STAT4: variants seen among roughly 807,000 people sequenced by gnomAD.
STAT4 encodes signal transducer and activator of transcription 4.
STAT4 carries 42 observed loss-of-function variants against 110.5 expected under a neutral mutation model. The ratio of observed to expected loss-of-function variants is 0.38; its 90% CI spans 0.30 to 0.49. The LOEUF (loss-of-function observed/expected upper bound fraction) is 0.49. STAT4 is among the 20% of genes least tolerant of loss of function. The probability of loss-of-function intolerance (pLI) is 0.95; values close to 1 mark genes in which losing one functional copy is unlikely to be tolerated. For synonymous variants in STAT4, 284 were observed against 302.2 expected, an observed-to-expected ratio of 0.94 and a Z score of 0.63; for missense variants, 632 against 887.9, an observed-to-expected ratio of 0.71 and a Z score of 3.66.
chr2:191,053,830 T>A lies in STAT4; in HGVS notation c.1251+660A>T, dbSNP rs866766401. 6.6e-6 allele frequency among the ~76,000 whole-genome samples: 1 copy of A among 152,190 alleles called. No individual in the cohort carries two copies. Among genetic ancestry groups the A allele is most frequent in the Non-Finnish European group, 1.5e-5 (1 of 68,028 alleles). ...TGTTCTCCAAGAGTATTTAAAATTA[T>A]GGAAAACTGTTCTCCGGGCTGGGCA... is the stretch of plus-strand genomic sequence containing the variant. On this transcript the variant is annotated intron_variant, in intron 14 of 23. Transcript: ENST00000392320. This position sits in a 1 kb window ranked among gnomAD's most constrained non-coding sequence, Gnocchi z 4.5.
Position 191,076,280 on chromosome 2 carries a change from T to A in STAT4, c.319A>T (p.Asn107Tyr), listed in dbSNP as rs1337434431. 6.2e-7 allele frequency: 1 copy of A among 1,613,768 alleles called. No individual in the cohort carries two copies. Among genetic ancestry groups the A allele is most frequent in the Admixed American group, 1.7e-5 (1 of 59,948 alleles). Reference sequence around the variant, plus strand: ...ATTCTCCTCTCTTCCCTTAAACAGTTTGAAATAACCACAGCTACATGCATT... The same window carrying A: ...ATTCTCCTCTCTTCCCTTAAACAGTATGAAATAACCACAGCTACATGCATT... ...NPMHVAVVIS[N>Y]CLREERRILA... Residue 107 changes from asparagine to tyrosine, a missense_variant, in exon 4 of 24, where the codon AAC (asparagine) becomes TAC (tyrosine). Asn to Tyr is a moderately radical substitution (Grantham distance 143). This residue lies in a region of STAT4 where 488 missense variants were observed against 632.8 expected (regional missense o/e 0.77). Coordinates refer to ENST00000392320, the MANE Select transcript of STAT4 (RefSeq NM_003151.4).
chr2:191,134,600 A>G (rs2125427480), intron 3 of STAT4, among the ~76,000 whole-genome samples: 1 of 152,308 alleles, frequency 6.6e-6, no homozygotes, highest in Non-Finnish European at 1.5e-5. Flanking sequence ...TTTATAGCCA[A>G]AGAAATTACA....
At position 191,086,263 on chromosome 2, in the gene STAT4, A is replaced by G. The variant is rs1283915064; in HGVS notation, c.274-9938T>C. On this transcript the variant is annotated intron_variant, in intron 3 of 23. Transcript: ENST00000392320. This position sits in a 1 kb window ranked among gnomAD's most constrained non-coding sequence, Gnocchi z 5.5. ...TCCTTCACAGGGTTCTTGACCTGTG[A>G]TAAGTAAAGATTGTCACTTTCTGAC... Among the ~76,000 whole-genome samples, 1 of 152,152 alleles carries G rather than the reference A, an allele frequency of 6.6e-6. No homozygotes were observed. The highest frequency in any genetic ancestry group is 1.5e-5 in the Non-Finnish European group (1 of 68,020).
At position 191,107,735 on chromosome 2, in the gene STAT4, T is replaced by C. The variant is rs1239764065; in HGVS notation, c.274-31410A>G. On this transcript the variant is annotated intron_variant, in intron 3 of 23. Coordinates refer to ENST00000392320, the MANE Select transcript of STAT4 (RefSeq NM_003151.4). The surrounding 1 kb of genome is among the most constrained non-coding windows in gnomAD (Gnocchi z 4.2). ...GTGAAAACATTCAGGACATAATTTA[T>C]TTTTTCAACCCAGATTACTACCATA... Among the ~76,000 whole-genome samples, 1 of 152,212 alleles carries C rather than the reference T, an allele frequency of 6.6e-6. No homozygotes were observed. The highest frequency in any genetic ancestry group is 2.4e-5 in the African/African-American group (1 of 41,452).
rs1044644758 is a variant in STAT4 at position 191,032,452 on chromosome 2, A to T, written c.2044+506T>A. 6.6e-6 allele frequency: 1 copy of T among 152,448 alleles called. No homozygotes were observed. The highest frequency in any genetic ancestry group is 2.4e-5 in the African/African-American group (1 of 41,434). 9.4% of individuals were successfully genotyped at this position (152,448 alleles called of 1,614,324 possible). ...GGTAGGCTGGGAGTGTGGGGGAGGG[A>T]GAGGATGAAGCAGAGATCCACAGGT... On this transcript the variant is annotated intron_variant, in intron 21 of 23. Coordinates refer to ENST00000392320, the MANE Select transcript of STAT4 (RefSeq NM_003151.4). This position sits in a 1 kb window ranked among gnomAD's most constrained non-coding sequence, Gnocchi z 4.9.
rs13011805 is a variant in STAT4, at chr2:191,091,523, C to T, written c.274-15198G>A. On this transcript the variant is annotated intron_variant, in intron 3 of 23. Transcript: ENST00000392320. This position sits in a 1 kb window ranked among gnomAD's most constrained non-coding sequence, Gnocchi z 5.4. Reference sequence around the variant, plus strand: ...TCAAAATGAGTATGTGTGTTTAATGCAATTAAAGTTAGAGTCCTAACTTTT... The same window carrying T: ...TCAAAATGAGTATGTGTGTTTAATGTAATTAAAGTTAGAGTCCTAACTTTT... 0.13 allele frequency among the ~76,000 whole-genome samples: 19,460 copies of T among 151,976 alleles called. 1,698 individuals are homozygous for T. The highest frequency in any genetic ancestry group is 0.25 in the African/African-American group (10,298 of 41,404).
chr2:191,091,487 TATTA>T lies in STAT4; in HGVS notation c.274-15166_274-15163del, dbSNP rs1697795867. ...TGTGAGAGACTTGTTATTATAAAAA[TATTA>T]ATTGTCTCAAAATGAGTATGTGTGT... On this transcript the variant is annotated intron_variant, in intron 3 of 23. Transcript: ENST00000392320. This position sits in a 1 kb window ranked among gnomAD's most constrained non-coding sequence, Gnocchi z 5.4. Among the ~76,000 whole-genome samples the T allele has an allele frequency of 6.6e-6, 1 of 152,200 alleles. No individual in the cohort carries two copies. Among genetic ancestry groups the T allele is most frequent in the South Asian group, 2.1e-4 (1 of 4,834 alleles).
chr2:191,071,768 T>C (rs1451868638), intron 5 of STAT4, among the ~76,000 whole-genome samples: 3 of 152,212 alleles, frequency 2.0e-5, no homozygotes, highest in African/African-American at 4.8e-5. Context: ...CAGGCCAGGC[T>C]TCCTGGAATC....
chr2:191,084,198 G>T (rs1197150565), intron 3 of STAT4, among the ~76,000 whole-genome samples: 1 of 151,920 alleles, frequency 6.6e-6, no homozygotes, highest in African/African-American at 2.4e-5. Context: ...GGAGGCAGAG[G>T]TTGCAGTGAG....
chr2:191,050,308 T>C lies in STAT4; in HGVS notation c.1251+4182A>G, dbSNP rs1696485746. On this transcript the variant is annotated intron_variant, in intron 14 of 23. Coordinates refer to ENST00000392320, the MANE Select transcript of STAT4 (RefSeq NM_003151.4). This position sits in a 1 kb window ranked among gnomAD's most constrained non-coding sequence, Gnocchi z 4.3. ...TGTTTATTTTACAGGAACAGATTGATGGCCTCAAAGTCTGGCCACTTTCTA... is the reference window on the plus strand; with the variant it reads ...TGTTTATTTTACAGGAACAGATTGACGGCCTCAAAGTCTGGCCACTTTCTA... Among the ~76,000 whole-genome samples, 1 of 152,228 alleles carries C rather than the reference T, an allele frequency of 6.6e-6. No homozygotes were observed.
chr2:191,065,238 C>A (rs1448373838), intron 7 of STAT4, among the ~76,000 whole-genome samples: 1 of 152,104 alleles, frequency 6.6e-6, no homozygotes, highest in Non-Finnish European at 1.5e-5. Flanking sequence ...AATATTGAAT[C>A]TTGTAGTAAC....
At chr2:191,041,177 TCA>T (rs774971664) in intron 14 of STAT4, 29 bp from the exon 15 acceptor site, 1 of 1,312,846 alleles carries the variant, frequency 7.6e-7, no homozygotes, top group African/African-American at 1.5e-5. Flanking sequence ...AATTGTTACC[TCA>T]CAAATGCATA....
At chr2:191,114,629 C>T (rs1489235325) in intron 3 of STAT4, among the ~76,000 whole-genome samples, 1 of 152,138 alleles carries the variant, frequency 6.6e-6, no homozygotes, top group African/African-American at 2.4e-5. Flanking sequence ...GTGACAACAC[C>T]ATCATGACAC....
intron 3 of STAT4, among the ~76,000 whole-genome samples, chr2:191,092,188 G>A (rs1044121718): frequency 6.6e-6 from 1 of 152,028 alleles, no homozygotes; most frequent in South Asian, 2.1e-4. Flanking sequence ...GGCAGATCAC[G>A]AGGTTGGGAG....
intron 3 of STAT4, among the ~76,000 whole-genome samples, chr2:191,120,555 A>T (rs1054299886): frequency 6.6e-6 from 1 of 152,158 alleles, no homozygotes; most frequent in African/African-American, 2.4e-5. Flanking sequence ...GAGGTACTTT[A>T]AAAAAAGAGG....
Position 191,031,058 on chromosome 2 carries a change from G to A in STAT4, c.2134C>T (p.His712Tyr), listed in dbSNP as rs772952207. ...ATGGGAAGAAGGTCTGATGGAGAAT[G>A]TGGCTCTGTTGAATCACTTCGGCTT... ...STIRSDSTEP[H>Y]SPSDLLPMSP... The change falls in exon 23 of 24, where the codon CAT becomes TAT. Residue 712 changes from histidine (H) to tyrosine (Y), a missense_variant. Physicochemically the swap from His to Tyr is moderately conservative, Grantham distance 83. Around this residue, in one of 4 missense-constraint regions of STAT4, gnomAD observed 32 missense variants for 67.6 expected, o/e 0.47. Transcript: ENST00000392320. This position sits in a 1 kb window ranked among gnomAD's most constrained non-coding sequence, Gnocchi z 4.8. 1 of 1,614,032 alleles carries A rather than the reference G, an allele frequency of 6.2e-7. No homozygotes were observed. The highest frequency in any genetic ancestry group is 2.2e-5 in the East Asian group (1 of 44,888).
In STAT4 at chr2:191,138,901, C is replaced by T. The variant is rs191665009; in HGVS notation, c.273+7712G>A. On this transcript the variant is annotated intron_variant, in intron 3 of 23. Transcript: ENST00000392320. This position sits in a 1 kb window ranked among gnomAD's most constrained non-coding sequence, Gnocchi z 4.3. ...CCAACAGCATATCAAAAAGATAATACATCATGATCAAATGGGTTTATATTA... is the reference window on the plus strand; with the variant it reads ...CCAACAGCATATCAAAAAGATAATATATCATGATCAAATGGGTTTATATTA... 1.7e-3 allele frequency among the ~76,000 whole-genome samples: 252 copies of T among 152,128 alleles called. No individual in the cohort carries two copies. Among genetic ancestry groups the T allele is most frequent in the African/African-American group, 5.7e-3 (236 of 41,506 alleles).
rs192831365 is a variant in STAT4 at position 191,144,269 on chromosome 2, G to A, written c.273+2344C>T. On this transcript the variant is annotated intron_variant, in intron 3 of 23. Coordinates refer to ENST00000392320, the MANE Select transcript of STAT4 (RefSeq NM_003151.4). This position sits in a 1 kb window ranked among gnomAD's most constrained non-coding sequence, Gnocchi z 4.7. ...CCTTGTAGTTGTTGCTGGAGGGCTG[G>A]AGGATGAGAACACAGACTAAAGCAT... Among the ~76,000 whole-genome samples, 199 of 152,246 alleles carry A rather than the reference G, an allele frequency of 1.3e-3. 1 individual carries two copies. Among genetic ancestry groups the A allele is most frequent in the Non-Finnish European group, 2.3e-3 (155 of 68,016 alleles).
Position 191,033,357 on chromosome 2 carries a change from C to T in STAT4, c.1852+133G>A. ...TAGGTACCCTGTTCTGAGACAACTG[C>T]AACTACTAATATTCAAGCCCACTGA... On this transcript the variant is annotated intron_variant, in intron 20 of 23. Transcript: ENST00000392320. The surrounding 1 kb of genome is among the most constrained non-coding windows in gnomAD (Gnocchi z 6.9). 1 of 1,202,028 alleles carries T rather than the reference C, an allele frequency of 8.3e-7. No individual in the cohort carries two copies. Among genetic ancestry groups the T allele is most frequent in the Non-Finnish European group, 1.1e-6 (1 of 871,472 alleles). The allele number at this position is 1,202,028 out of a possible 1,614,324, so 74.5% of individuals were successfully genotyped here.
Sources: gnomAD v4.1 joint callset for allele counts (sites outside exome capture counted in the v4.1 genomes callset) on GRCh38, gnomAD v4.1.1 for gene constraint, gnomAD v4.1.1 regional missense constraint, Gnocchi (gnomAD v3.1) non-coding constraint, MANE v1.5 for transcripts, NCBI Gene and HGNC (gene_info 2026-07-23, HGNC 2026-07-21) for gene names.